Variants in GPHB5 observed in about 807,000 individuals in gnomAD.
GPHB5 encodes the protein glycoprotein hormone subunit beta 5.
Under a neutral mutation model 10.1 loss-of-function variants are expected in GPHB5, and 7 were observed. The observed-to-expected ratio is 0.69, with a 90% CI of 0.39 to 1.30. The LOEUF (loss-of-function observed/expected upper bound fraction) is 1.30, where lower values mean the gene tolerates loss of function less well. GPHB5 is among the 50% of genes most tolerant of loss of function. The pLI, the probability that GPHB5 is intolerant of heterozygous loss-of-function variation, is 0.01. For synonymous variants in GPHB5, 68 were observed against 70.1 expected (o/e 0.97, Z 0.15); for missense variants, 161 against 169.8 (o/e 0.95, Z 0.29).
Position 63,312,937 on chromosome 14 carries a change from C to G in GPHB5, c.384G>C (p.Glu128Asp). The G allele has an allele frequency of 6.4e-7, 1 of 1,552,302 alleles. No individual in the cohort carries two copies. The highest frequency in any genetic ancestry group is 8.7e-7 in the Non-Finnish European group (1 of 1,147,344). Residue 128 changes from glutamate (E) to aspartate (D), a missense_variant, in exon 3 of 3, where the codon GAG becomes GAC. Transcript: ENST00000621500. ...GACSTATTEC[E>D]TI Reference sequence around the variant, plus strand: ...AGAGCAGCTAGCGGCCTCAGATGGTCTCACACTCCGTGGTGGCAGTGGAGC... The same window carrying G: ...AGAGCAGCTAGCGGCCTCAGATGGTGTCACACTCCGTGGTGGCAGTGGAGC...
intron 2 of GPHB5, among the ~76,000 whole-genome samples, chr14:63,317,237 A>T (rs1882786134): frequency 6.6e-6 from 1 of 152,124 alleles, no homozygotes; most frequent in Admixed American, 6.5e-5. Flanking sequence ...ATCCAAAATG[A>T]GGAAACATAG....
intron 2 of GPHB5, among the ~76,000 whole-genome samples, chr14:63,313,531 T>C (rs1882711667): frequency 6.6e-6 from 1 of 152,030 alleles, no homozygotes; most frequent in South Asian, 2.1e-4. Flanking sequence ...AGAACAAACA[T>C]CAAAGACCTT....
chr14:63,315,273 C>T (rs913510097), intron 2 of GPHB5, among the ~76,000 whole-genome samples: 1 of 152,156 alleles, frequency 6.6e-6, no homozygotes, highest in East Asian at 1.9e-4. Flanking sequence ...TTTTCTCCTA[C>T]CTTCCCGTAT....
rs759641700 is a variant in GPHB5, at chr14:63,317,758, C to A, written c.92G>T (p.Arg31Leu). 3 of 1,614,012 alleles carry A rather than the reference C, an allele frequency of 1.9e-6. No homozygotes were observed. The highest frequency in any genetic ancestry group is 4.5e-5 in the East Asian group (2 of 44,882). Residue 31 changes from arginine (R) to leucine (L), a missense_variant, in exon 2 of 3, where the codon CGC becomes CTC. By Grantham distance (102) the Arg-to-Leu change is moderately radical. Transcript: ENST00000621500. ...CVLGASSGNL[R>L]TFVGCAVREF... is the part of the protein sequence containing the mutation. ...CCTCACGGCACAGCCCACAAAGGTG[C>A]GCAGGTTCCCACTGGAGGCACCGAG...
At chr14:63,314,905 C>CTTTTTT (rs71120257) in intron 2 of GPHB5, among the ~76,000 whole-genome samples, 3 of 75,348 alleles carry the variant, frequency 4.0e-5, no homozygotes, top group Admixed American at 1.2e-4. Context: ...TTTCTTTTTT[C>CTTTTTT]TTTTTTTTTT....
intron 1 of GPHB5, 39 bp from the exon 2 acceptor site, chr14:63,317,889 T>C (rs771016241): frequency 6.3e-7 from 1 of 1,587,832 alleles, no homozygotes; most frequent in East Asian, 2.2e-5. Context: ...GTTTAACAGA[T>C]CTGGCTGCCT....
intron 2 of GPHB5, among the ~76,000 whole-genome samples, chr14:63,315,331 C>A (rs775754897): frequency 6.6e-6 from 1 of 152,162 alleles, no homozygotes; most frequent in African/African-American, 2.4e-5. Context: ...CTAGGCAGAC[C>A]AAACGCCCCG....
chr14:63,312,946 C>T lies in GPHB5; in HGVS notation c.375G>A (p.Thr125=), dbSNP rs777879609. Residue 125 remains threonine (T), a synonymous_variant, in exon 3 of 3, where the codon ACG becomes ACA. Transcript: ENST00000621500. ...AGCGGCCTCAGATGGTCTCACACTC[C>T]GTGGTGGCAGTGGAGCAGGCTCCGC... The part of the protein sequence containing the change: ...CDCGACSTAT[T]ECETI 2.1e-5 allele frequency: 32 copies of T among 1,552,898 alleles called. No individual in the cohort carries two copies. The East Asian group carries it at 2.9e-4, about 14-fold the overall frequency.
intron 2 of GPHB5, among the ~76,000 whole-genome samples, chr14:63,314,785 C>G (rs73270406): frequency 2.6e-5 from 4 of 151,704 alleles, no homozygotes; most frequent in Admixed American, 1.3e-4. Flanking sequence ...AATGACAGTA[C>G]CTTTGCTTTT....
intron 2 of GPHB5, among the ~76,000 whole-genome samples, chr14:63,316,330 A>C (rs1372706135): frequency 2.6e-5 from 4 of 152,210 alleles, no homozygotes; most frequent in Admixed American, 2.0e-4. Context: ...GTCCACTCAC[A>C]GTGCAAGTGT....
intron 2 of GPHB5, among the ~76,000 whole-genome samples, chr14:63,316,823 C>G (rs895639304): frequency 5.3e-5 from 8 of 152,170 alleles, no homozygotes; most frequent in Non-Finnish European, 1.2e-4. Context: ...TGTGGACATT[C>G]AAGGTTTTTG....
At chr14:63,316,685 G>T (rs1369352944) in intron 2 of GPHB5, among the ~76,000 whole-genome samples, 1 of 152,160 alleles carries the variant, frequency 6.6e-6, no homozygotes, top group African/African-American at 2.4e-5. Flanking sequence ...ATCCATAAGG[G>T]CTATTTGATA....
chr14:63,312,952 G>T lies in GPHB5; in HGVS notation c.369C>A (p.Ala123=). 6.4e-7 allele frequency: 1 copy of T among 1,553,764 alleles called. No individual in the cohort carries two copies. The highest frequency in any genetic ancestry group is 8.7e-7 in the Non-Finnish European group (1 of 1,148,166). The stretch of plus-strand genomic sequence containing the variant: ...CTCAGATGGTCTCACACTCCGTGGT[G>T]GCAGTGGAGCAGGCTCCGCAGTCAC... ...IRCDCGACST[A]TTECETI The change falls in exon 3 of 3, where the codon GCC becomes GCA. Residue 123 remains alanine, a synonymous_variant. Transcript: ENST00000621500.
At position 63,317,716 on chromosome 14, in the gene GPHB5, G is replaced by C; in HGVS notation, c.134C>G (p.Ala45Gly). Reference sequence around the variant, plus strand: ...AAGGCCCCTGCAGCCTGGCTTCTTGGCCAGGAAAGTAAACTCCCTCACGGC... The same window carrying C: ...AAGGCCCCTGCAGCCTGGCTTCTTGCCCAGGAAAGTAAACTCCCTCACGGC... ...GCAVREFTFL[A>G]KKPGCRGLRI... The change falls in exon 2 of 3, where the codon GCC (alanine) becomes GGC (glycine). Residue 45 changes from alanine (A) to glycine (G), a missense_variant. Transcript: ENST00000621500. The C allele has an allele frequency of 6.2e-7, 1 of 1,614,004 alleles. No individual in the cohort carries two copies. Among genetic ancestry groups the C allele is most frequent in the Non-Finnish European group, 8.5e-7 (1 of 1,179,896 alleles).
rs926639994 is a variant in GPHB5 at position 63,314,218 on chromosome 14, G to A, written c.205-1102C>T. Among the ~76,000 whole-genome samples, 8 of 152,042 alleles carry A rather than the reference G, an allele frequency of 5.3e-5. No individual in the cohort carries two copies. The South Asian group carries it at 8.3e-4, about 16-fold the overall frequency. On this transcript the variant is annotated intron_variant, in intron 2 of 2. Coordinates refer to ENST00000621500, the MANE Select transcript of GPHB5 (RefSeq NM_145171.4). ...AGCACCTAGCTGGAGTTAAAATCTCGAGCCCTGCAGTCAGAACTAAGGAGC... is the reference window on the plus strand; with the variant it reads ...AGCACCTAGCTGGAGTTAAAATCTCAAGCCCTGCAGTCAGAACTAAGGAGC...
intron 2 of GPHB5, among the ~76,000 whole-genome samples, chr14:63,317,361 G>A (rs992874732): frequency 3.9e-5 from 6 of 152,104 alleles, no homozygotes; most frequent in Admixed American, 1.3e-4. Context: ...TCTGTAAAAC[G>A]GGTAGAACAG....
chr14:63,312,941 C>A lies in GPHB5; in HGVS notation c.380G>T (p.Cys127Phe). ...CGACSTATTECETI is the reference protein window; with the variant it reads ...CGACSTATTEFETI ...CAGCTAGCGGCCTCAGATGGTCTCA[C>A]ACTCCGTGGTGGCAGTGGAGCAGGC... The change falls in exon 3 of 3, where the codon TGT (cysteine) becomes TTT (phenylalanine). Residue 127 changes from cysteine (C) to phenylalanine (F), a missense_variant. Coordinates refer to ENST00000621500, the MANE Select transcript of GPHB5 (RefSeq NM_145171.4). The A allele has an allele frequency of 1.9e-6, 3 of 1,552,602 alleles. No individual in the cohort carries two copies. Among genetic ancestry groups the A allele is most frequent in the Non-Finnish European group, 2.6e-6 (3 of 1,147,504 alleles).
At chr14:63,317,482 CTT>C (rs1882790257) in intron 2 of GPHB5, among the ~76,000 whole-genome samples, 162 bp downstream of exon 2, 1 of 152,196 alleles carries the variant, frequency 6.6e-6, no homozygotes, top group South Asian at 2.1e-4. Flanking sequence ...TTTCAAATCA[CTT>C]TTGGAAGATG....
intron 2 of GPHB5, among the ~76,000 whole-genome samples, chr14:63,313,446 G>GTTTAAACCTA (rs1882709528): frequency 6.6e-6 from 1 of 152,088 alleles, no homozygotes; most frequent in Non-Finnish European, 1.5e-5. Flanking sequence ...CAGCGGCCCT[G>GTTTAAACCTA]AGTGATCCTG....
Sources: allele counts gnomAD v4.1 joint callset (sites outside exome capture counted in the v4.1 genomes callset), GRCh38; gene constraint gnomAD v4.1.1; transcripts MANE v1.5; gene names NCBI Gene and HGNC (gene_info 2026-07-23, HGNC 2026-07-21).